VOPP1: variants seen among roughly 807,000 people sequenced by gnomAD.
The protein encoded by VOPP1 is VOPP1 WW domain binding protein, also known as WW domain binding protein VOPP1.
Under a neutral mutation model 23.5 loss-of-function variants are expected in VOPP1, and 8 were observed. The observed-to-expected ratio is 0.34, with a 90% confidence interval of 0.20 to 0.61. The LOEUF (loss-of-function observed/expected upper bound fraction) is 0.61, where lower values mean the gene tolerates loss of function less well. Among genes scored for constraint, VOPP1 ranks in the 20% least tolerant of loss-of-function variants. The pLI, the probability that VOPP1 is intolerant of heterozygous loss-of-function variation, is 0.78. For missense variants in VOPP1, 174 were observed against 238.1 expected (o/e 0.73, Z 1.77); for synonymous variants, 83 against 97.3 (o/e 0.85, Z 0.86).
intron 1 of VOPP1, among the ~76,000 whole-genome samples, chr7:55,542,967 G>A (rs958575660): frequency 2.0e-5 from 3 of 151,944 alleles, no homozygotes; most frequent in African/African-American, 7.3e-5. Context: ...CCAGGCTGGA[G>A]TGCAGTGGCG....
Position 55,564,243 on chromosome 7 carries a change from G to GTCTCTCTC in VOPP1, c.54+8020_54+8027dup, listed in dbSNP as rs71561947. Among the ~76,000 whole-genome samples, 894 of 125,968 alleles carry GTCTCTCTC rather than the reference G, an allele frequency of 7.1e-3. 16 individuals carry two copies. The highest frequency in any genetic ancestry group is 0.022 in the African/African-American group (693 of 31,366). The allele number at this position is 125,968 out of a possible 152,430, so 82.6% of individuals were successfully genotyped here. Reference sequence around the variant, plus strand: ...CAACACACTCTTTCTCTCTGTCTCTGTCTCTCTCTCTCTCTCTCTCTCTCG... The same window carrying GTCTCTCTC: ...CAACACACTCTTTCTCTCTGTCTCTGTCTCTCTCTCTCTCTCTCTCTCTCTCTCTCTCG... On this transcript the variant is annotated intron_variant, in intron 1 of 4. Transcript: ENST00000285279.
intron 1 of VOPP1, chr7:55,553,788 C>G (rs1332598053): frequency 6.5e-6 from 1 of 153,518 alleles, no homozygotes; most frequent in Non-Finnish European, 1.4e-5. Context: ...CACACACACA[C>G]ACACACACAC....
At chr7:55,485,501 A>G (rs567158092) in intron 4 of VOPP1, among the ~76,000 whole-genome samples, 75 of 152,370 alleles carry the variant, frequency 4.9e-4, no homozygotes, top group African/African-American at 1.8e-3. Flanking sequence ...TGTATGATAA[A>G]AGGGACTTCC....
chr7:55,552,875 C>T, intron 1 of VOPP1: 1 of 1,347,288 alleles, frequency 7.4e-7, no homozygotes, highest in South Asian at 1.6e-5. Flanking sequence ...GGATTTCCTC[C>T]TAGACTAAAC....
intron 1 of VOPP1, chr7:55,537,538 G>T (rs1333266947): frequency 1.3e-6 from 2 of 1,536,046 alleles, no homozygotes; most frequent in Non-Finnish European, 1.7e-6. Context: ...TCTGTTAGGC[G>T]CAAGGATGCA....
chr7:55,462,565 G>C (rs1173510879), intron 4 of VOPP1, among the ~76,000 whole-genome samples: 1 of 151,234 alleles, frequency 6.6e-6, no homozygotes, highest in Non-Finnish European at 1.5e-5. Context: ...TTTTTGGGGG[G>C]TTGGACTGGG....
intron 1 of VOPP1, among the ~76,000 whole-genome samples, chr7:55,549,696 C>A (rs2129053319): frequency 6.6e-6 from 1 of 152,340 alleles, no homozygotes; most frequent in Non-Finnish European, 1.5e-5. Context: ...CTGCAATGAG[C>A]AGAAGCTCAT....
intron 2 of VOPP1, among the ~76,000 whole-genome samples, chr7:55,498,879 C>T (rs909280033): frequency 3.3e-5 from 5 of 152,142 alleles, no homozygotes; most frequent in Admixed American, 6.5e-5. Context: ...GTTGTGCACC[C>T]AGTAGGCCCA....
rs1796880269 is a variant in VOPP1, at chr7:55,537,657, C to T, written c.55-16527G>A. ...AAATAAAGCTCTGGCGCCCGCAGAC[C>T]CTGCAGTATCCTCCTCTGTTGAGTG... is the stretch of plus-strand genomic sequence containing the variant. On this transcript the variant is annotated intron_variant, in intron 1 of 4. Transcript: ENST00000285279. 12 of 1,504,774 alleles carry T rather than the reference C, an allele frequency of 8.0e-6. 1 individual carries two copies. In the East Asian group the frequency reaches 2.0e-4, roughly 25 times the overall value. The allele number at this position is 1,504,774 out of a possible 1,614,324, so 93.2% of individuals were successfully genotyped here. A position where few individuals can be genotyped will look rare whatever the true frequency, so the allele number is the denominator to read the frequency against.
chr7:55,445,495 G>A (rs1326940530), intron 4 of VOPP1, among the ~76,000 whole-genome samples: 1 of 152,174 alleles, frequency 6.6e-6, no homozygotes, highest in Non-Finnish European at 1.5e-5. Context: ...AATTGACTTT[G>A]AGGTCTGTAT....
intron 4 of VOPP1, among the ~76,000 whole-genome samples, chr7:55,486,147 T>A (rs1363051448): frequency 2.0e-5 from 3 of 152,242 alleles, no homozygotes; most frequent in African/African-American, 7.2e-5. Context: ...GGCAAGGGAC[T>A]TAAATCTGCT....
chr7:55,561,095 T>G (rs573312778), intron 1 of VOPP1, among the ~76,000 whole-genome samples: 1 of 152,228 alleles, frequency 6.6e-6, no homozygotes, highest in South Asian at 2.1e-4. Flanking sequence ...GAGATGCACA[T>G]GCACAGCTTC....
chr7:55,487,529 T>C (rs1189895997), intron 4 of VOPP1, among the ~76,000 whole-genome samples: 1 of 152,162 alleles, frequency 6.6e-6, no homozygotes, highest in Non-Finnish European at 1.5e-5. Flanking sequence ...TTAATCACAG[T>C]ACACTACAGT....
Position 55,489,504 on chromosome 7 carries a change from A to G in VOPP1, c.328+2778T>C, listed in dbSNP as rs142581450. Among the ~76,000 whole-genome samples the G allele has an allele frequency of 3.5e-3, 538 of 152,014 alleles. 2 individuals are homozygous for G. Among genetic ancestry groups the G allele is most frequent in the Middle Eastern group, 0.024 (7 of 292 alleles). Reference sequence around the variant, plus strand: ...GCATTCTCAACTTTCTCTCCCTCGCACTCATGATGGTCAGTCACTATAGAG... The same window carrying G: ...GCATTCTCAACTTTCTCTCCCTCGCGCTCATGATGGTCAGTCACTATAGAG... On this transcript the variant is annotated intron_variant, in intron 4 of 4. Coordinates refer to ENST00000285279, the MANE Select transcript of VOPP1 (RefSeq NM_030796.5).
intron 4 of VOPP1, among the ~76,000 whole-genome samples, chr7:55,451,941 T>C (rs1436760714): frequency 6.6e-6 from 1 of 152,200 alleles, no homozygotes; most frequent in Non-Finnish European, 1.5e-5. Context: ...GGACTGGCTG[T>C]GGCAATTTCT....
intron 4 of VOPP1, among the ~76,000 whole-genome samples, chr7:55,437,759 C>A (rs1006057719): frequency 1.3e-5 from 2 of 152,104 alleles, no homozygotes; most frequent in African/African-American, 4.8e-5. Flanking sequence ...CTGTTTTACA[C>A]CCCTTTGTCT....
chr7:55,440,061 G>T (rs1312552567), intron 4 of VOPP1, among the ~76,000 whole-genome samples: 3 of 152,158 alleles, frequency 2.0e-5, no homozygotes, highest in African/African-American at 7.2e-5. Flanking sequence ...AGCCTCAGGG[G>T]CTCCCGTGGT....
intron 2 of VOPP1, among the ~76,000 whole-genome samples, chr7:55,515,219 A>T (rs1452715503): frequency 6.6e-6 from 1 of 152,142 alleles, no homozygotes. Flanking sequence ...CATTTCTTAT[A>T]GTCACTGCTC....
At chr7:55,494,223 T>G (rs1793786478) in intron 3 of VOPP1, among the ~76,000 whole-genome samples, 1 of 152,192 alleles carries the variant, frequency 6.6e-6, no homozygotes, top group African/African-American at 2.4e-5. Context: ...CTTCCTCTCC[T>G]AAAACCGATT....
Sources: gnomAD v4.1 joint callset for allele counts (sites outside exome capture counted in the v4.1 genomes callset) on GRCh38, gnomAD v4.1.1 for gene constraint, MANE v1.5 for transcripts, NCBI Gene and HGNC (gene_info 2026-07-23, HGNC 2026-07-21) for gene names.